Variants in EPB41L3 observed in about 807,000 individuals in gnomAD.
EPB41L3 encodes erythrocyte membrane protein band 4.1 like 3.
In EPB41L3, 57 loss-of-function variants were observed where a neutral mutation model predicts 127.1. The ratio of observed to expected loss-of-function variants is 0.45; its 90% CI spans 0.36 to 0.56. EPB41L3 has a LOEUF of 0.56. Ranked by LOEUF, EPB41L3 falls within the 20% of genes least tolerant of loss-of-function variation. EPB41L3 has a pLI of 0.00. For missense variants in EPB41L3, 1,273 were observed against 1,372.2 expected (o/e 0.93, Z 1.14); for synonymous variants, 572 against 549.5 (o/e 1.04, Z -0.57).
At position 5,418,512 on chromosome 18, in the gene EPB41L3, T is replaced by A. The variant is rs73375732; in HGVS notation, c.1506+1199A>T. 3.5e-3 allele frequency among the ~76,000 whole-genome samples: 528 copies of A among 152,322 alleles called. 4 individuals carry two copies. Among genetic ancestry groups the A allele is most frequent in the African/African-American group, 0.012 (506 of 41,558 alleles). On this transcript the variant is annotated intron_variant, in intron 12 of 22. Transcript: ENST00000341928. ...ACATATTTGTTTTTTGGGTGGATTA[T>A]ATTCTTTTCTGTCCCCTTTAAAGCC...
intron 3 of EPB41L3, among the ~76,000 whole-genome samples, chr18:5,571,919 T>C (rs1462417676): frequency 3.3e-5 from 5 of 152,234 alleles, no homozygotes; most frequent in African/African-American, 7.2e-5. Context: ...CTGAAGGATA[T>C]AGGGACTGCC....
chr18:5,479,160 C>A (rs2874688), intron 2 of EPB41L3, among the ~76,000 whole-genome samples: 82,771 of 152,064 alleles, frequency 0.54, 24,419 homozygotes, highest in Non-Finnish European at 0.65. Context: ...AACATTCTCC[C>A]GTATACCAAT....
Position 5,601,687 on chromosome 18 carries a change from C to G in EPB41L3, c.-306+10653G>C, listed in dbSNP as rs571845167. On this transcript the variant is annotated intron_variant, in intron 3 of 21. Transcript: ENST00000545076. Reference sequence around the variant, plus strand: ...ATCAGGGGTGAGATAAGCATGAAGGCAGTTAGAACTATCCCAGAAATCCAG... The same window carrying G: ...ATCAGGGGTGAGATAAGCATGAAGGGAGTTAGAACTATCCCAGAAATCCAG... 1.6e-3 allele frequency among the ~76,000 whole-genome samples: 248 copies of G among 152,280 alleles called. 1 individual carries two copies. The highest frequency in any genetic ancestry group is 3.5e-3 in the South Asian group (17 of 4,832).
intron 3 of EPB41L3, among the ~76,000 whole-genome samples, chr18:5,461,192 G>A (rs1178274574): frequency 2.6e-5 from 4 of 152,160 alleles, no homozygotes; most frequent in African/African-American, 7.2e-5. Context: ...TGTTTTACAA[G>A]CTCAGTCTAA....
chr18:5,405,426 G>A (rs925841581), intron 16 of EPB41L3, among the ~76,000 whole-genome samples: 2 of 152,168 alleles, frequency 1.3e-5, no homozygotes, highest in African/African-American at 4.8e-5. Context: ...GCAACATGAT[G>A]TCTAACAGTA....
At chr18:5,405,540 AGCTTCCTT>A (rs2075233455) in intron 16 of EPB41L3, among the ~76,000 whole-genome samples, 1 of 150,702 alleles carries the variant, frequency 6.6e-6, no homozygotes, top group Non-Finnish European at 1.5e-5. Context: ...ATTTAAAAAG[AGCTTCCTT>A]GGGAGGCTGA....
chr18:5,428,120 A>G (rs1033957134), intron 9 of EPB41L3, among the ~76,000 whole-genome samples, 193 bp downstream of exon 9: 4 of 152,230 alleles, frequency 2.6e-5, no homozygotes, highest in African/African-American at 9.6e-5. Flanking sequence ...AGTAGGAAAT[A>G]TTGGAACAAT....
intron 1 of EPB41L3, among the ~76,000 whole-genome samples, chr18:5,500,613 G>A (rs1455158756): frequency 6.6e-6 from 1 of 152,222 alleles, no homozygotes; most frequent in Non-Finnish European, 1.5e-5. Context: ...GTAGGTGCCA[G>A]TACCACGGGG....
At chr18:5,517,508 C>T (rs1258573862) in intron 1 of EPB41L3, among the ~76,000 whole-genome samples, 2 of 152,110 alleles carry the variant, frequency 1.3e-5, no homozygotes, top group Non-Finnish European at 2.9e-5. Context: ...ATGATCTTGG[C>T]TCACGGCAAC....
upstream of EPB41L3, among the ~76,000 whole-genome samples, chr18:5,544,706 G>C (rs527304817): frequency 2.0e-5 from 3 of 152,248 alleles, no homozygotes; most frequent in East Asian, 5.8e-4. Context: ...GGCACAAAAA[G>C]AATAGAGTGA....
chr18:5,475,308 A>C (rs1206882391), intron 3 of EPB41L3, among the ~76,000 whole-genome samples: 1 of 152,232 alleles, frequency 6.6e-6, no homozygotes, highest in Non-Finnish European at 1.5e-5. Context: ...TTTCGAGGCA[A>C]GTATTTTCAC....
intron 1 of EPB41L3, among the ~76,000 whole-genome samples, chr18:5,518,167 C>T (rs936177565): frequency 2.0e-5 from 3 of 152,132 alleles, no homozygotes; most frequent in African/African-American, 4.8e-5. Context: ...CTCAGGGAGA[C>T]CATGGCCTTT....
intron 11 of EPB41L3, 76 bp from the exon 12 acceptor site, chr18:5,419,953 G>T: frequency 6.2e-7 from 1 of 1,609,174 alleles, no homozygotes; most frequent in South Asian, 1.1e-5. Flanking sequence ...TACAATTAAA[G>T]AAATAAAATC....
Position 5,415,838 on chromosome 18 carries a change from T to G in EPB41L3, c.2047A>C (p.Ser683Arg). 1.2e-6 allele frequency: 2 copies of G among 1,612,702 alleles called. No individual in the cohort carries two copies. The highest frequency in any genetic ancestry group is 1.7e-6 in the Non-Finnish European group (2 of 1,179,764). ...SLSASLDNDP[S>R]DSSEEETDSE... ...CACACCTCTTCCTCTGAACTGTCAC[T>G]CGGGTCATTGTCTAGGGAGGCGCTC... The change falls in exon 13 of 23, where the codon AGT becomes CGT. Residue 683 changes from serine to arginine, a missense_variant. Ser to Arg is a moderately radical substitution (Grantham distance 110). Coordinates refer to ENST00000341928, the MANE Select transcript of EPB41L3 (RefSeq NM_012307.5).
At chr18:5,469,771 GA>G (rs2085760214) in intron 3 of EPB41L3, among the ~76,000 whole-genome samples, 2 of 143,514 alleles carry the variant, frequency 1.4e-5, no homozygotes, top group Admixed American at 7.0e-5. Flanking sequence ...GTTGTAGAAT[GA>G]ATTTTTTTTT....
At chr18:5,486,631 T>C (rs947291348) in intron 2 of EPB41L3, among the ~76,000 whole-genome samples, 3 of 151,908 alleles carry the variant, frequency 2.0e-5, no homozygotes, top group East Asian at 1.9e-4. Flanking sequence ...AACAACTCAA[T>C]AGCAAGAGAA....
chr18:5,607,606 G>T (rs886088959), intron 3 of EPB41L3, among the ~76,000 whole-genome samples: 1 of 152,096 alleles, frequency 6.6e-6, no homozygotes, highest in Non-Finnish European at 1.5e-5. Context: ...AGGTACAAGG[G>T]TTTGTCTGGA....
At chr18:5,476,890 T>G (rs2087342468) in intron 3 of EPB41L3, among the ~76,000 whole-genome samples, 1 of 152,188 alleles carries the variant, frequency 6.6e-6, no homozygotes, top group Non-Finnish European at 1.5e-5. Context: ...GAAATAGTTT[T>G]GTGCACGGTC....
At position 5,557,372 on chromosome 18, in the gene EPB41L3, A is replaced by G. The variant is rs532818746; in HGVS notation, c.-306+54968T>C. Among the ~76,000 whole-genome samples, 3 of 151,426 alleles carry G rather than the reference A, an allele frequency of 2.0e-5. No individual in the cohort carries two copies. In the East Asian group the frequency reaches 5.8e-4, roughly 29 times the overall value. ...AAAAAGTTTAAAAATGGCTCAAAAC[A>G]CTTGTTTTTTTGTTTTGTTTTTGTT... On this transcript the variant is annotated intron_variant, in intron 3 of 21. Coordinates refer to the EPB41L3 transcript ENST00000545076.
Sources: gnomAD v4.1 joint callset for allele counts (sites outside exome capture counted in the v4.1 genomes callset) on GRCh38, gnomAD v4.1.1 for gene constraint, MANE v1.5 for transcripts, NCBI Gene and HGNC (gene_info 2026-07-23, HGNC 2026-07-21) for gene names.